MALRD1: variants seen among roughly 807,000 people sequenced by gnomAD.
The protein encoded by MALRD1 is MAM and LDL receptor class A domain containing 1.
A neutral mutation model predicts 242.1 loss-of-function variants in MALRD1; 247 were observed. The observed-to-expected ratio is 1.02, with a 90% confidence interval of 0.92 to 1.13. MALRD1 has a LOEUF of 1.13. Among genes scored for constraint, MALRD1 ranks in the 50% most tolerant of loss-of-function variants. The probability of loss-of-function intolerance (pLI) is 0.00; values close to 1 mark genes in which losing one functional copy is unlikely to be tolerated. For missense variants in MALRD1, 2,989 were observed against 2,533.1 expected (o/e 1.18, Z -3.86); for synonymous variants, 995 against 866.6 (o/e 1.15, Z -2.60).
chr10:19,445,129 G>A (rs1236178081), intron 28 of MALRD1, among the ~76,000 whole-genome samples: 1 of 152,120 alleles, frequency 6.6e-6, no homozygotes, highest in Non-Finnish European at 1.5e-5. Context: ...GTATCACATA[G>A]CTCTCGTGCC....
intron 18 of MALRD1, among the ~76,000 whole-genome samples, chr10:19,252,735 G>C (rs1043046862): frequency 6.6e-6 from 1 of 151,772 alleles, no homozygotes. Context: ...CATGATAAAT[G>C]GTTTTCATAT....
intron 12 of MALRD1, among the ~76,000 whole-genome samples, chr10:19,163,421 C>T (rs12250261): frequency 0.42 from 63,068 of 150,410 alleles, 13,662 homozygotes; most frequent in Admixed American, 0.49. Flanking sequence ...AAATACCGCA[C>T]GTTCTCACTT....
In MALRD1 at chr10:19,194,430, T is replaced by C. The variant is rs114525790; in HGVS notation, c.1952-9298T>C. On this transcript the variant is annotated intron_variant, in intron 14 of 39. Transcript: ENST00000454679. The stretch of plus-strand genomic sequence containing the variant: ...AACAAAACGTTCTCTTCTTTTTCAC[T>C]GTCAGTCTTTAGTGCTACTCAGGCA... Among the ~76,000 whole-genome samples the C allele has an allele frequency of 4.8e-3, 732 of 152,310 alleles. 7 individuals are homozygous for C. The highest frequency in any genetic ancestry group is 0.014 in the African/African-American group (576 of 41,576).
chr10:19,605,138 C>G (rs914764950), intron 34 of MALRD1, among the ~76,000 whole-genome samples: 2 of 149,516 alleles, frequency 1.3e-5, no homozygotes, highest in Non-Finnish European at 3.0e-5. Context: ...CATTTGATTA[C>G]AGATTTATTT....
chr10:19,581,418 G>A (rs1032837265), intron 33 of MALRD1, among the ~76,000 whole-genome samples: 2 of 143,254 alleles, frequency 1.4e-5, no homozygotes, highest in African/African-American at 5.2e-5. Flanking sequence ...CCCTTCCTGT[G>A]TCCATGTGTT....
chr10:19,323,830 C>T, intron 21 of MALRD1, 119 bp from the exon 22 acceptor site: 4 of 831,446 alleles, frequency 4.8e-6, no homozygotes, highest in Admixed American at 2.7e-5. Context: ...AGGCTGGTCT[C>T]GAACTCCTGA....
At chr10:19,269,637 C>T (rs904493065) in intron 19 of MALRD1, among the ~76,000 whole-genome samples, 3 of 152,166 alleles carry the variant, frequency 2.0e-5, no homozygotes, top group Non-Finnish European at 4.4e-5. Context: ...GCTGCAACTC[C>T]ATCTTCCCAG....
intron 7 of MALRD1, 53 bp downstream of exon 7, chr10:19,124,723 G>A: frequency 8.2e-7 from 1 of 1,223,036 alleles, no homozygotes; most frequent in Non-Finnish European, 1.0e-6. Context: ...TCTGCTTTAT[G>A]GTGACTAGTT....
intron 33 of MALRD1, among the ~76,000 whole-genome samples, chr10:19,589,897 TG>T (rs201890400): frequency 0.017 from 2,545 of 152,274 alleles, 43 homozygotes; most frequent in Admixed American, 0.017. Flanking sequence ...TGAGCGTGTT[TG>T]GCTCTTCTAC....
intron 18 of MALRD1, among the ~76,000 whole-genome samples, chr10:19,247,149 A>G (rs902123953): frequency 6.6e-6 from 1 of 152,108 alleles, no homozygotes; most frequent in Non-Finnish European, 1.5e-5. Flanking sequence ...GAAGATCCAG[A>G]AAGTTCTTGC....
intron 19 of MALRD1, among the ~76,000 whole-genome samples, chr10:19,264,885 T>C (rs1289139215): frequency 1.3e-5 from 2 of 152,232 alleles, no homozygotes; most frequent in Non-Finnish European, 2.9e-5. Flanking sequence ...CCCTGGACTT[T>C]TCTTTGGTGG....
intron 38 of MALRD1, among the ~76,000 whole-genome samples, chr10:19,692,833 A>AT (rs1374484851): frequency 7.0e-6 from 1 of 142,744 alleles, no homozygotes; most frequent in South Asian, 2.2e-4. Context: ...TATATATGAA[A>AT]TTATATATAT....
chr10:19,216,875 G>A (rs1341531677), intron 18 of MALRD1, among the ~76,000 whole-genome samples: 1 of 151,684 alleles, frequency 6.6e-6, no homozygotes, highest in Non-Finnish European at 1.5e-5. Flanking sequence ...GAACCCGGGA[G>A]GCAGAGCTTG....
In MALRD1 at chr10:19,692,691, T is replaced by G. The variant is rs532908306; in HGVS notation, c.6314+137T>G. 7.9e-6 allele frequency: 5 copies of G among 636,798 alleles called. No homozygotes were observed. In the African/African-American group the frequency reaches 9.4e-5, roughly 12 times the overall value. The allele number at this position is 636,798 out of a possible 1,614,324, so 39.4% of individuals were successfully genotyped here. A position where few individuals can be genotyped will look rare whatever the true frequency, so the allele number is the denominator to read the frequency against. On this transcript the variant is annotated intron_variant, in intron 38 of 39. Coordinates refer to ENST00000454679, the MANE Select transcript of MALRD1 (RefSeq NM_001142308.3). ...GTGTTTTGCTGCTTTATGGATTTAT[T>G]TTTCTGGGCAGAAAAGAGGAGCTAC...
intron 18 of MALRD1, among the ~76,000 whole-genome samples, chr10:19,224,347 C>G (rs941625692): frequency 1.3e-5 from 2 of 149,174 alleles, no homozygotes; most frequent in African/African-American, 4.9e-5. Context: ...AGTGCAGTGG[C>G]ACAATTTCGG....
intron 35 of MALRD1, among the ~76,000 whole-genome samples, chr10:19,613,932 A>G (rs1839017803): frequency 6.6e-6 from 1 of 151,320 alleles, no homozygotes; most frequent in South Asian, 2.1e-4. Flanking sequence ...GCTTTTTCTT[A>G]CTCCCCAAAC....
chr10:19,589,311 A>G (rs1837628157), intron 33 of MALRD1, among the ~76,000 whole-genome samples: 1 of 152,196 alleles, frequency 6.6e-6, no homozygotes, highest in Non-Finnish European at 1.5e-5. Flanking sequence ...ATAGCTGTAT[A>G]TATAGCTGTG....
intron 29 of MALRD1, among the ~76,000 whole-genome samples, chr10:19,475,751 A>G (rs926539993): frequency 6.6e-6 from 1 of 152,234 alleles, no homozygotes; most frequent in Admixed American, 6.5e-5. Context: ...TAAATTGAAC[A>G]TTATGTAACT....
At chr10:19,652,361 T>C (rs1325694394) in intron 36 of MALRD1, among the ~76,000 whole-genome samples, 2 of 152,172 alleles carry the variant, frequency 1.3e-5, no homozygotes, top group East Asian at 3.8e-4. Flanking sequence ...CAAAGCATAA[T>C]TTTCAAACTG....
Sources: gnomAD v4.1 joint callset for allele counts (sites outside exome capture counted in the v4.1 genomes callset) on GRCh38, gnomAD v4.1.1 for gene constraint, MANE v1.5 for transcripts, NCBI Gene and HGNC (gene_info 2026-07-23, HGNC 2026-07-21) for gene names.